The following FAF1 variants were observed in gnomAD, a reference collection of about 807,000 sequenced individuals.
FAF1 encodes Fas associated factor 1.
In FAF1, 25 loss-of-function variants were observed where a neutral mutation model predicts 92.5. The observed-to-expected ratio is 0.27, with a 90% CI of 0.20 to 0.38. The LOEUF is 0.38. Among genes scored for constraint, FAF1 ranks in the 10% least tolerant of loss-of-function variants. The pLI is 1.00. For synonymous variants in FAF1, 234 were observed against 273.2 expected (o/e 0.86, Z 1.42); for missense variants, 636 against 793.3 (o/e 0.80, Z 2.38).
At chr1:50,804,185 G>A (rs1246426643) in intron 2 of FAF1, among the ~76,000 whole-genome samples, 3 of 152,136 alleles carry the variant, frequency 2.0e-5, no homozygotes, top group Non-Finnish European at 2.9e-5. Context: ...TGCCTTCTAC[G>A]TAGGACCAAG....
intron 4 of FAF1, among the ~76,000 whole-genome samples, chr1:50,782,992 A>T (rs1661234046): frequency 2.0e-5 from 3 of 152,110 alleles, no homozygotes; most frequent in African/African-American, 4.8e-5. Context: ...TGTTTTTTTT[A>T]AAGATCAACC....
chr1:50,794,985 A>C (rs941328747), intron 3 of FAF1, among the ~76,000 whole-genome samples: 3 of 152,122 alleles, frequency 2.0e-5, no homozygotes, highest in Non-Finnish European at 2.9e-5. Context: ...TAAGCAATTT[A>C]AAAAAAGGAT....
rs367986474 is a variant in FAF1 at position 50,562,244 on chromosome 1, T to C, written c.1268+4833A>G. On this transcript the variant is annotated intron_variant, in intron 13 of 18. Transcript: ENST00000396153. ...TCCAAAAGAATATCTTATCCCTGCTTCACTGTCTGCCTGTAGACATATGCC... is the reference window on the plus strand; with the variant it reads ...TCCAAAAGAATATCTTATCCCTGCTCCACTGTCTGCCTGTAGACATATGCC... Among the ~76,000 whole-genome samples the C allele has an allele frequency of 5.9e-5, 9 of 152,370 alleles. 1 individual carries two copies. Among genetic ancestry groups the C allele is most frequent in the African/African-American group, 2.2e-4 (9 of 41,592 alleles).
At chr1:50,907,338 T>C (rs527686067) in intron 1 of FAF1, among the ~76,000 whole-genome samples, 2 of 152,312 alleles carry the variant, frequency 1.3e-5, no homozygotes, top group Admixed American at 1.3e-4. Context: ...AGTCTAAAAT[T>C]CTCTTTTTTG....
chr1:50,663,841 CA>C (rs1655502705), intron 7 of FAF1, among the ~76,000 whole-genome samples: 2 of 144,574 alleles, frequency 1.4e-5, no homozygotes, highest in Non-Finnish European at 3.1e-5. Context: ...AATTAATAAT[CA>C]TTTGTTACAG....
chr1:50,724,300 C>CACACACAT (rs1658547351), intron 6 of FAF1, among the ~76,000 whole-genome samples: 5 of 131,594 alleles, frequency 3.8e-5, no homozygotes, highest in African/African-American at 1.5e-4. Flanking sequence ...CACACATACA[C>CACACACAT]ACACACACAC....
intron 1 of FAF1, among the ~76,000 whole-genome samples, chr1:50,899,564 T>C (rs900597491): frequency 2.0e-5 from 3 of 152,198 alleles, no homozygotes; most frequent in Non-Finnish European, 4.4e-5. Flanking sequence ...GCAATTCTCC[T>C]GCCTCAGCCT....
chr1:50,939,382 T>C (rs1645111785), intron 1 of FAF1, among the ~76,000 whole-genome samples: 1 of 152,256 alleles, frequency 6.6e-6, no homozygotes, highest in South Asian at 2.1e-4. Context: ...TACTGGTGTA[T>C]AGAAATGCTA....
intron 1 of FAF1, 41 bp downstream of exon 1, chr1:50,959,726 C>A: frequency 6.4e-7 from 1 of 1,569,600 alleles, no homozygotes. Flanking sequence ...CGGAAACCCA[C>A]GAGGTTGGAA....
chr1:50,682,818 G>A (rs778977976), intron 7 of FAF1, among the ~76,000 whole-genome samples: 2 of 152,106 alleles, frequency 1.3e-5, no homozygotes, highest in Non-Finnish European at 2.9e-5. Flanking sequence ...ATATGGCCGG[G>A]CGTGGTGGCT....
intron 6 of FAF1, among the ~76,000 whole-genome samples, chr1:50,727,216 TACTC>T (rs1658696235): frequency 6.6e-6 from 1 of 152,240 alleles, no homozygotes; most frequent in Admixed American, 6.5e-5. Flanking sequence ...TTCTGGAAAG[TACTC>T]ACTATCATCT....
chr1:50,800,770 AACG>A (rs754152185), intron 3 of FAF1, among the ~76,000 whole-genome samples: 4 of 152,078 alleles, frequency 2.6e-5, no homozygotes, highest in Non-Finnish European at 5.9e-5. Flanking sequence ...TGCTCTCCAA[AACG>A]ACCTCATTCC....
chr1:50,541,819 G>A (rs1648772146), intron 13 of FAF1, among the ~76,000 whole-genome samples: 1 of 152,052 alleles, frequency 6.6e-6, no homozygotes, highest in Admixed American at 6.6e-5. Flanking sequence ...TGGTTTTAAG[G>A]ATTCCATCTC....
intron 8 of FAF1, chr1:50,612,605 G>A (rs993338715): frequency 5.0e-6 from 2 of 401,928 alleles, no homozygotes; most frequent in Non-Finnish European, 6.7e-6. Flanking sequence ...TAAGAGCTCT[G>A]GATATTTTTC....
intron 1 of FAF1, among the ~76,000 whole-genome samples, chr1:50,881,019 A>G: frequency 6.6e-6 from 1 of 152,202 alleles, no homozygotes; most frequent in Middle Eastern, 3.2e-3. Flanking sequence ...ACTAGCTTAC[A>G]AACTCAGAGA....
chr1:50,863,946 C>T lies in FAF1; in HGVS notation c.46-5949G>A, dbSNP rs909320907. Among the ~76,000 whole-genome samples the T allele has an allele frequency of 1.1e-4, 16 of 151,830 alleles. No homozygotes were observed. In the South Asian group the frequency reaches 1.5e-3, roughly 14 times the overall value. On this transcript the variant is annotated intron_variant, in intron 1 of 18. Transcript: ENST00000396153. ...TTTAGTCTTGGGAGAGTGTATGTGT[C>T]GAGGAATTTATCCATTTCTTCTAGA...
intron 6 of FAF1, among the ~76,000 whole-genome samples, chr1:50,728,643 T>C (rs1258243133): frequency 2.6e-5 from 4 of 151,166 alleles, no homozygotes; most frequent in African/African-American, 9.7e-5. Flanking sequence ...ATACAAAAAA[T>C]AGCCAGGCAT....
intron 1 of FAF1, among the ~76,000 whole-genome samples, chr1:50,863,905 G>C (rs972673495): frequency 6.6e-6 from 1 of 151,952 alleles, no homozygotes; most frequent in African/African-American, 2.4e-5. Context: ...TATTCAGAGA[G>C]TCAACTTCTT....
intron 2 of FAF1, among the ~76,000 whole-genome samples, chr1:50,817,305 C>T (rs962042239): frequency 1.3e-5 from 2 of 152,146 alleles, no homozygotes; most frequent in East Asian, 3.9e-4. Flanking sequence ...TATTATTCAG[C>T]GTTAAAAAGG....
Sources: allele counts gnomAD v4.1 joint callset (sites outside exome capture counted in the v4.1 genomes callset), GRCh38; gene constraint gnomAD v4.1.1; transcripts MANE v1.5; gene names NCBI Gene and HGNC (gene_info 2026-07-23, HGNC 2026-07-21).